Variants in PDE1C observed in about 807,000 individuals in gnomAD.
PDE1C encodes phosphodiesterase 1C.
In PDE1C, 62 loss-of-function variants were observed where a neutral mutation model predicts 93.1. The ratio of observed to expected loss-of-function variants is 0.67; its 90% confidence interval spans 0.54 to 0.82. PDE1C has a LOEUF of 0.82. Among genes scored for constraint, PDE1C ranks in the 40% least tolerant of loss-of-function variants. The pLI, the probability that PDE1C is intolerant of heterozygous loss-of-function variation, is 0.00. For synonymous variants in PDE1C, 325 were observed against 310.1 expected (o/e 1.05, Z -0.50); for missense variants, 742 against 884.6 (o/e 0.84, Z 2.04).
the PDE1C span, among the ~76,000 whole-genome samples, chr7:31,736,274 C>G: frequency 3.9e-5 from 6 of 152,184 alleles, no homozygotes; most frequent in Non-Finnish European, 8.8e-5. Context: ...TACAATGAGG[C>G]CTGTAGACAG....
At chr7:31,825,700 T>C (rs1351755020) in intron 12 of PDE1C, among the ~76,000 whole-genome samples, 7 of 151,952 alleles carry the variant, frequency 4.6e-5, no homozygotes, top group Non-Finnish European at 8.8e-5. Context: ...AAACAAAAGA[T>C]AAAGAAGGCT....
At chr7:32,031,623 T>C (rs1446970421) in intron 2 of PDE1C, among the ~76,000 whole-genome samples, 1 of 152,162 alleles carries the variant, frequency 6.6e-6, no homozygotes, top group Non-Finnish European at 1.5e-5. Flanking sequence ...TAGGCAGGGA[T>C]CAGAACCCAA....
Position 32,129,984 on chromosome 7 carries a change from C to T in PDE1C, c.308+39801G>A, listed in dbSNP as rs1034516859. 3.3e-5 allele frequency among the ~76,000 whole-genome samples: 5 copies of T among 152,044 alleles called. No homozygotes were observed. The South Asian group carries it at 8.3e-4, about 25-fold the overall frequency. ...TTTTAAGCTTCCAAGTTTTTCTTCC[C>T]TGTTACCTGGAAACAATGTACCTCC... is the stretch of plus-strand genomic sequence containing the variant. On this transcript the variant is annotated intron_variant, in intron 3 of 18. Coordinates refer to the PDE1C transcript ENST00000396193.
At chr7:31,886,795 G>A (rs868425991) in intron 2 of PDE1C, among the ~76,000 whole-genome samples, 29 of 36,132 alleles carry the variant, frequency 8.0e-4, no homozygotes, top group African/African-American at 2.2e-3. Flanking sequence ...AGATCTTTTC[G>A]GATCTTTTCA....
chr7:32,010,141 C>T (rs937464867), intron 2 of PDE1C, among the ~76,000 whole-genome samples: 1 of 152,118 alleles, frequency 6.6e-6, no homozygotes, highest in African/African-American at 2.4e-5. Context: ...TAACAACTGA[C>T]AAACTGATTC....
chr7:32,171,564 T>C (rs1802654239), intron 2 of PDE1C, among the ~76,000 whole-genome samples: 1 of 149,900 alleles, frequency 6.7e-6, no homozygotes, highest in South Asian at 2.1e-4. Flanking sequence ...TTAACAAAAT[T>C]AAATTATTAA....
chr7:32,167,408 G>A (rs1458121396), intron 3 of PDE1C, among the ~76,000 whole-genome samples: 2 of 152,096 alleles, frequency 1.3e-5, no homozygotes, highest in Admixed American at 6.6e-5. Context: ...TTGTGCTGAG[G>A]CCAAGTATCA....
At chr7:32,137,553 G>T (rs1224771603) in intron 3 of PDE1C, among the ~76,000 whole-genome samples, 1 of 152,194 alleles carries the variant, frequency 6.6e-6, no homozygotes, top group Non-Finnish European at 1.5e-5. Context: ...ATCGCCACCT[G>T]TTGTATTTCC....
At chr7:32,322,997 G>C (rs924397427) in intron 1 of PDE1C, among the ~76,000 whole-genome samples, 67 of 152,274 alleles carry the variant, frequency 4.4e-4, no homozygotes, top group African/African-American at 1.5e-3. Context: ...TGAGGAAAGG[G>C]ACCAACAAAG....
chr7:31,821,592 C>T (rs1788972536), intron 14 of PDE1C, among the ~76,000 whole-genome samples: 1 of 152,040 alleles, frequency 6.6e-6, no homozygotes, highest in African/African-American at 2.4e-5. Context: ...TTTGAATGGA[C>T]TAGGAGAGGG....
At chr7:32,164,523 G>C (rs1193300787) in intron 3 of PDE1C, among the ~76,000 whole-genome samples, 1 of 152,152 alleles carries the variant, frequency 6.6e-6, no homozygotes, top group East Asian at 1.9e-4. Context: ...AGGTAGACTT[G>C]GTTGAAATCT....
chr7:31,848,181 C>T, intron 8 of PDE1C, 85 bp from the exon 9 acceptor site: 1 of 1,340,944 alleles, frequency 7.5e-7, no homozygotes, highest in Non-Finnish European at 1.0e-6. Flanking sequence ...CGCACCACCA[C>T]TTTTTTCCAT....
At chr7:31,775,813 T>G (rs1011359487) in intron 16 of PDE1C, 81 bp from the exon 17 acceptor site, 2 of 1,199,874 alleles carry the variant, frequency 1.7e-6, no homozygotes, top group African/African-American at 1.5e-5. Flanking sequence ...TCTGAAATGT[T>G]ATCAAGTTGG....
chr7:31,924,235 A>G (rs564725797), intron 2 of PDE1C, among the ~76,000 whole-genome samples: 12 of 152,220 alleles, frequency 7.9e-5, no homozygotes, highest in Non-Finnish European at 1.5e-4. Flanking sequence ...TACTGTATAT[A>G]TGATCTAGTG....
the PDE1C span, among the ~76,000 whole-genome samples, chr7:31,713,319 C>G: frequency 6.6e-6 from 1 of 152,238 alleles, no homozygotes; most frequent in Non-Finnish European, 1.5e-5. Flanking sequence ...AAAATAATCT[C>G]CTTTGACTCC....
intron 2 of PDE1C, among the ~76,000 whole-genome samples, chr7:32,043,234 A>G (rs78149270): frequency 0.019 from 2,898 of 152,262 alleles, 102 homozygotes; most frequent in African/African-American, 0.066. Context: ...GTCTCCAGGG[A>G]GTCTGAAATC....
chr7:31,973,863 A>G (rs1449336300), intron 2 of PDE1C, among the ~76,000 whole-genome samples: 2 of 152,230 alleles, frequency 1.3e-5, no homozygotes, highest in Non-Finnish European at 2.9e-5. Flanking sequence ...TTAGTAGTAT[A>G]GAATCAACAA....
chr7:32,248,012 T>A (rs1232343401), intron 1 of PDE1C, among the ~76,000 whole-genome samples: 1 of 152,180 alleles, frequency 6.6e-6, no homozygotes, highest in East Asian at 1.9e-4. Flanking sequence ...AAAGTGAAAT[T>A]GACTCAACTC....
chr7:31,883,189 T>C (rs1319824551), intron 2 of PDE1C, among the ~76,000 whole-genome samples: 2 of 152,230 alleles, frequency 1.3e-5, no homozygotes, highest in African/African-American at 2.4e-5. Context: ...AGTTACCAAG[T>C]ACATAAGAAG....
Sources: gnomAD v4.1 joint callset for allele counts (sites outside exome capture counted in the v4.1 genomes callset) on GRCh38, gnomAD v4.1.1 for gene constraint, MANE v1.5 for transcripts, NCBI Gene and HGNC (gene_info 2026-07-23, HGNC 2026-07-21) for gene names.